Variants in DLG2 observed in about 807,000 individuals in gnomAD.
The protein encoded by DLG2 is disks large homolog 2.
DLG2 carries 45 observed loss-of-function variants against 132.5 expected under a neutral mutation model. That is an observed-to-expected ratio of 0.34 (90% CI 0.27 to 0.44). The LOEUF is 0.44. DLG2 is among the 20% of genes least tolerant of loss of function. DLG2 has a pLI of 1.00. For synonymous variants in DLG2, 424 were observed against 419.6 expected (o/e 1.01, Z -0.13); for missense variants, 1,045 against 1,196.9 (o/e 0.87, Z 1.87).
chr11:85,238,581 T>C (rs1156427814), intron 4 of DLG2, among the ~76,000 whole-genome samples: 1 of 152,072 alleles, frequency 6.6e-6, no homozygotes, highest in Non-Finnish European at 1.5e-5. Context: ...CTTTCTAAAA[T>C]TATCAAACCA....
At chr11:83,785,541 G>GA (rs767246313) in intron 18 of DLG2, among the ~76,000 whole-genome samples, 1 of 152,116 alleles carries the variant, frequency 6.6e-6, no homozygotes, top group Non-Finnish European at 1.5e-5. Flanking sequence ...GGCCACATAG[G>GA]AAAAAACATT....
chr11:84,828,129 A>T (rs1019180676), intron 6 of DLG2, among the ~76,000 whole-genome samples: 10 of 151,778 alleles, frequency 6.6e-5, no homozygotes, highest in African/African-American at 2.4e-4. Context: ...GAAAACTGAG[A>T]ATAATGGTGG....
chr11:84,854,060 T>C (rs548693080), intron 6 of DLG2, among the ~76,000 whole-genome samples: 2 of 152,142 alleles, frequency 1.3e-5, no homozygotes, highest in East Asian at 3.9e-4. Flanking sequence ...CTCATAATAC[T>C]GGGGATTAAC....
rs550142640 is a variant in DLG2 at position 85,003,374 on chromosome 11, G to T, written c.357+108287C>A. Reference sequence around the variant, plus strand: ...AATACCACATGGAAATTGCAAGAAGGTGACATAATTACAATAAACCGTTGG... The same window carrying T: ...AATACCACATGGAAATTGCAAGAAGTTGACATAATTACAATAAACCGTTGG... On this transcript the variant is annotated intron_variant, in intron 6 of 27. Coordinates refer to ENST00000376104, the MANE Select transcript of DLG2 (RefSeq NM_001142699.3). Among the ~76,000 whole-genome samples the T allele has an allele frequency of 2.0e-5, 3 of 152,150 alleles. No individual in the cohort carries two copies. In the East Asian group the frequency reaches 5.8e-4, roughly 29 times the overall value.
At chr11:84,765,904 G>A (rs1316914614) in intron 6 of DLG2, among the ~76,000 whole-genome samples, 1 of 151,746 alleles carries the variant, frequency 6.6e-6, no homozygotes, top group African/African-American at 2.4e-5. Flanking sequence ...ACCTTTTCTT[G>A]ATGCTGTTTT....
At chr11:84,901,511 A>G (rs2090881059) in intron 6 of DLG2, among the ~76,000 whole-genome samples, 1 of 151,654 alleles carries the variant, frequency 6.6e-6, no homozygotes, top group Non-Finnish European at 1.5e-5. Context: ...AGAAAAATGA[A>G]TATCCTTCAA....
At chr11:85,138,676 A>T (rs1297803237) in intron 5 of DLG2, among the ~76,000 whole-genome samples, 3 of 152,092 alleles carry the variant, frequency 2.0e-5, no homozygotes, top group Admixed American at 2.0e-4. Flanking sequence ...TACTTGTGTT[A>T]TGGAATCAGT....
chr11:83,874,486 T>A lies in DLG2; in HGVS notation c.1499A>T (p.His500Leu). ...GLLPDSEMTS[H>L]SQHSTATRQP... ...ACGAGTTGCGGTGCTATGTTGGGAA[T>A]GACTGCAAGAAAAGACAGAAGAAAC... Residue 500 changes from histidine to leucine, a missense_variant and splice_region_variant, in exon 16 of 28, where the codon CAT becomes CTT. His to Leu is a moderately conservative substitution (Grantham distance 99). This residue lies in a region of DLG2 where 261 missense variants were observed against 256.1 expected (regional missense o/e 1.02). Coordinates refer to ENST00000376104, the MANE Select transcript of DLG2 (RefSeq NM_001142699.3). The A allele has an allele frequency of 4.4e-6, 7 of 1,595,714 alleles. No homozygotes were observed. Among genetic ancestry groups the A allele is most frequent in the Non-Finnish European group, 6.0e-6 (7 of 1,169,272 alleles).
At chr11:83,758,790 T>C (rs2093766237) in intron 18 of DLG2, among the ~76,000 whole-genome samples, 1 of 152,208 alleles carries the variant, frequency 6.6e-6, no homozygotes, top group South Asian at 2.1e-4. Context: ...CATTCTTGTT[T>C]TGATTATATC....
At chr11:85,322,092 T>C (rs575341720) in intron 3 of DLG2, among the ~76,000 whole-genome samples, 23 of 152,202 alleles carry the variant, frequency 1.5e-4, no homozygotes, top group Non-Finnish European at 1.2e-4. Context: ...CCAAACCTTA[T>C]CATCACTCCA....
In DLG2 at chr11:84,581,139, C is replaced by T. The variant is rs372439553; in HGVS notation, c.358-46408G>A. Reference sequence around the variant, plus strand: ...TTTATTTCCTTTTACAAATATTTGACGAATTGAAGAACCACATAGGCAAAC... The same window carrying T: ...TTTATTTCCTTTTACAAATATTTGATGAATTGAAGAACCACATAGGCAAAC... On this transcript the variant is annotated intron_variant, in intron 6 of 27. Coordinates refer to ENST00000376104, the MANE Select transcript of DLG2 (RefSeq NM_001142699.3). Among the ~76,000 whole-genome samples the T allele has an allele frequency of 2.0e-4, 31 of 152,122 alleles. 1 individual carries two copies. The highest frequency in any genetic ancestry group is 8.3e-4 in the South Asian group (4 of 4,814).
intron 6 of DLG2, among the ~76,000 whole-genome samples, chr11:84,741,629 G>A (rs1484167865): frequency 6.6e-6 from 1 of 151,290 alleles, no homozygotes; most frequent in East Asian, 2.0e-4. Flanking sequence ...CAAAGCTAAT[G>A]CACCTACTGA....
intron 16 of DLG2, among the ~76,000 whole-genome samples, chr11:83,852,182 T>A (rs1706708742): frequency 6.6e-6 from 1 of 152,128 alleles, no homozygotes. Context: ...AAACACTCAG[T>A]TTGAGTAGCT....
intron 6 of DLG2, among the ~76,000 whole-genome samples, chr11:84,664,123 T>G (rs990858091): frequency 2.0e-5 from 3 of 152,214 alleles, no homozygotes; most frequent in African/African-American, 7.2e-5. Flanking sequence ...CCATGAAATA[T>G]AGTCTTAACA....
intron 6 of DLG2, among the ~76,000 whole-genome samples, chr11:84,757,920 T>C (rs566932074): frequency 6.6e-6 from 1 of 152,306 alleles, no homozygotes; most frequent in Admixed American, 6.5e-5. Context: ...CCTCTTATCC[T>C]AATACCATGG....
intron 6 of DLG2, among the ~76,000 whole-genome samples, chr11:84,805,226 C>T (rs1183687455): frequency 6.6e-6 from 1 of 152,018 alleles, no homozygotes; most frequent in African/African-American, 2.4e-5. Context: ...GGAGCCATGC[C>T]CCCTTGAGTG....
intron 4 of DLG2, among the ~76,000 whole-genome samples, chr11:85,192,388 TAGAG>T (rs2080663240): frequency 1.3e-5 from 2 of 152,158 alleles, no homozygotes; most frequent in African/African-American, 2.4e-5. Flanking sequence ...GACTGTGACA[TAGAG>T]ATAGTTATCT....
At chr11:84,031,220 A>T (rs1443268884) in intron 11 of DLG2, among the ~76,000 whole-genome samples, 2 of 128,430 alleles carry the variant, frequency 1.6e-5, no homozygotes, top group Non-Finnish European at 3.5e-5. Flanking sequence ...TCTCTCCTCT[A>T]TTCCAGAAAG....
intron 6 of DLG2, among the ~76,000 whole-genome samples, chr11:85,007,780 T>A (rs1449720901): frequency 6.6e-6 from 1 of 151,846 alleles, no homozygotes; most frequent in East Asian, 1.9e-4. Context: ...TAATACAATC[T>A]CCTAGTTTTC....
Sources: gnomAD v4.1 joint callset for allele counts (sites outside exome capture counted in the v4.1 genomes callset) on GRCh38, gnomAD v4.1.1 for gene constraint, gnomAD v4.1.1 regional missense constraint, MANE v1.5 for transcripts, NCBI Gene and HGNC (gene_info 2026-07-23, HGNC 2026-07-21) for gene names.